The following CCDC178 variants were observed in gnomAD, a reference collection of about 807,000 sequenced individuals.
CCDC178 encodes the protein coiled-coil domain-containing protein 178.
In CCDC178, 126 loss-of-function variants were observed where a neutral mutation model predicts 117.4. The ratio of observed to expected loss-of-function variants is 1.07; its 90% CI spans 0.93 to 1.24. The LOEUF (loss-of-function observed/expected upper bound fraction) is 1.24. Among genes scored for constraint, CCDC178 ranks in the 50% most tolerant of loss-of-function variants. CCDC178 has a pLI of 0.00. For missense variants in CCDC178, 1,030 were observed against 986.9 expected (o/e 1.04, Z -0.59); for synonymous variants, 283 against 313.4 (o/e 0.90, Z 1.02).
At chr18:33,115,928 A>G (rs1242617390) in intron 20 of CCDC178, among the ~76,000 whole-genome samples, 1 of 152,088 alleles carries the variant, frequency 6.6e-6, no homozygotes, top group Non-Finnish European at 1.5e-5. Context: ...TTTAATTCTT[A>G]CTAAGTTTAT....
chr18:33,245,925 C>T (rs1403781520), intron 14 of CCDC178, among the ~76,000 whole-genome samples: 1 of 151,782 alleles, frequency 6.6e-6, no homozygotes, highest in African/African-American at 2.4e-5. Flanking sequence ...CAGCATCTTC[C>T]ACTAGATGCC....
intron 5 of CCDC178, among the ~76,000 whole-genome samples, chr18:33,378,355 T>C (rs2063391731): frequency 6.6e-6 from 1 of 152,214 alleles, no homozygotes; most frequent in Non-Finnish European, 1.5e-5. Context: ...TTTAGGGTTT[T>C]CTAGGTATAC....
chr18:33,401,652 C>T (rs2063711103), intron 3 of CCDC178, among the ~76,000 whole-genome samples: 1 of 151,794 alleles, frequency 6.6e-6, no homozygotes, highest in African/African-American at 2.4e-5. Flanking sequence ...TGATATATAA[C>T]ATTTAGTCAT....
At chr18:33,190,692 AT>A (rs2058846871) in intron 20 of CCDC178, among the ~76,000 whole-genome samples, 1 of 152,190 alleles carries the variant, frequency 6.6e-6, no homozygotes, top group East Asian at 1.9e-4. Context: ...AATGAGAAAA[AT>A]ATTATAAAAT....
At chr18:33,272,303 T>C (rs1291636750) in intron 12 of CCDC178, among the ~76,000 whole-genome samples, 1 of 151,370 alleles carries the variant, frequency 6.6e-6, no homozygotes, top group African/African-American at 2.4e-5. Context: ...ATAAACAACA[T>C]GAAATGAATA....
intron 20 of CCDC178, among the ~76,000 whole-genome samples, chr18:33,103,998 A>G (rs1313359588): frequency 1.3e-5 from 2 of 151,812 alleles, no homozygotes; most frequent in African/African-American, 4.8e-5. Context: ...CAGAAACGGA[A>G]TAATAAATTT....
chr18:33,288,242 C>T (rs12970624), intron 12 of CCDC178, among the ~76,000 whole-genome samples: 89,558 of 107,128 alleles, frequency 0.84, 38,482 homozygotes, highest in South Asian at 0.94. Context: ...CCCCTCCGCT[C>T]CCCTCCTCTC....
chr18:33,105,124 G>A (rs911801465), intron 20 of CCDC178, among the ~76,000 whole-genome samples: 1 of 151,630 alleles, frequency 6.6e-6, no homozygotes, highest in African/African-American at 2.4e-5. Flanking sequence ...TGAGGCATTT[G>A]TTATTGAAAA....
intron 2 of CCDC178, among the ~76,000 whole-genome samples, chr18:33,435,019 C>T (rs1314068509): frequency 6.6e-6 from 1 of 152,022 alleles, no homozygotes; most frequent in Non-Finnish European, 1.5e-5. Context: ...ACCCACAGCA[C>T]CTGGCAAATA....
chr18:33,216,718 C>T (rs2059170061), intron 18 of CCDC178, among the ~76,000 whole-genome samples: 1 of 152,028 alleles, frequency 6.6e-6, no homozygotes, highest in African/African-American at 2.4e-5. Context: ...TTTGAATTTT[C>T]ACATCCTTCC....
intron 21 of CCDC178, among the ~76,000 whole-genome samples, chr18:33,066,774 C>A (rs1192322601): frequency 6.6e-6 from 1 of 152,082 alleles, no homozygotes. Context: ...CTGTATAATG[C>A]TAAAAGGACT....
chr18:33,381,962 T>C (rs542457677), intron 5 of CCDC178, among the ~76,000 whole-genome samples: 2 of 152,254 alleles, frequency 1.3e-5, no homozygotes, highest in East Asian at 3.9e-4. Flanking sequence ...ACATAGATAT[T>C]CCAGTATCTT....
At chr18:33,344,811 A>G (rs903056684) in intron 9 of CCDC178, among the ~76,000 whole-genome samples, 5 of 91,904 alleles carry the variant, frequency 5.4e-5, no homozygotes, top group Non-Finnish European at 8.7e-5. Flanking sequence ...AAGCACACAC[A>G]CACACACACA....
chr18:33,133,189 G>GTTA (rs1429759921), intron 20 of CCDC178, among the ~76,000 whole-genome samples: 5 of 151,738 alleles, frequency 3.3e-5, no homozygotes, highest in African/African-American at 1.2e-4. Flanking sequence ...ATGTTGAAAT[G>GTTA]TTATCGAAAA....
chr18:33,391,454 A>G (rs891814238), intron 4 of CCDC178, among the ~76,000 whole-genome samples: 1 of 152,120 alleles, frequency 6.6e-6, no homozygotes, highest in African/African-American at 2.4e-5. Context: ...CAATAAGGTA[A>G]TATTGATATA....
At chr18:33,056,678 C>G (rs2056835841) in intron 21 of CCDC178, among the ~76,000 whole-genome samples, 1 of 152,130 alleles carries the variant, frequency 6.6e-6, no homozygotes, top group Non-Finnish European at 1.5e-5. Context: ...AAATGTAATT[C>G]ATCCTAATTT....
At position 33,346,235 on chromosome 18, in the gene CCDC178, C is replaced by A; in HGVS notation, c.634G>T (p.Glu212Ter). Residue 212 changes from glutamate to a stop codon, truncating the protein, a stop_gained, in exon 9 of 23, where the codon GAA becomes TAA. Transcript: ENST00000383096. LOFTEE classifies it high-confidence loss of function. ...CCTTTCTGCACAGCCAATGGGAGTTCTTGAAGTTTCCAGACTGACCAAGAG... is the reference window on the plus strand; with the variant it reads ...CCTTTCTGCACAGCCAATGGGAGTTATTGAAGTTTCCAGACTGACCAAGAG... ...IDSWSVWKLQELPLAVQKEHE... is the reference protein window; with the variant it reads ...IDSWSVWKLQ 1.2e-6 allele frequency: 2 copies of A among 1,613,422 alleles called. No individual in the cohort carries two copies. The highest frequency in any genetic ancestry group is 8.5e-7 in the Non-Finnish European group (1 of 1,179,522).
chr18:33,087,026 A>G (rs1015546196), intron 21 of CCDC178, among the ~76,000 whole-genome samples: 2 of 149,120 alleles, frequency 1.3e-5, no homozygotes, highest in African/African-American at 5.0e-5. Context: ...CAAAATAGCC[A>G]TTGGTTGACA....
intron 20 of CCDC178, among the ~76,000 whole-genome samples, chr18:33,158,234 G>C (rs938516682): frequency 2.6e-5 from 4 of 152,204 alleles, no homozygotes; most frequent in African/African-American, 9.6e-5. Flanking sequence ...TCAAGATGTA[G>C]TCTAATTTGC....
Sources: allele counts gnomAD v4.1 joint callset (sites outside exome capture counted in the v4.1 genomes callset), GRCh38; gene constraint gnomAD v4.1.1; transcripts MANE v1.5; gene names NCBI Gene and HGNC (gene_info 2026-07-23, HGNC 2026-07-21).